The following GALNTL6 variants were observed in gnomAD, a reference collection of about 807,000 sequenced individuals.
The protein encoded by GALNTL6 is polypeptide N-acetylgalactosaminyltransferase like 6.
In GALNTL6, 46 loss-of-function variants were observed where a neutral mutation model predicts 73.7. The ratio of observed to expected loss-of-function variants is 0.62; its 90% CI spans 0.49 to 0.80. The LOEUF is 0.80. Ranked by LOEUF, GALNTL6 falls within the 30% of genes least tolerant of loss-of-function variation. The probability of loss-of-function intolerance (pLI) is 0.00; values close to 1 mark genes in which losing one functional copy is unlikely to be tolerated. For missense variants in GALNTL6, 604 were observed against 755.0 expected, an observed-to-expected ratio of 0.80 and a Z score of 2.34; for synonymous variants, 259 against 263.7, an observed-to-expected ratio of 0.98 and a Z score of 0.17.
chr4:172,891,040 T>C (rs1746000835), intron 8 of GALNTL6, among the ~76,000 whole-genome samples: 1 of 152,152 alleles, frequency 6.6e-6, no homozygotes, highest in Non-Finnish European at 1.5e-5. Context: ...GCATAATAGA[T>C]CTTTCTCCAT....
chr4:172,926,316 A>T (rs1021433611), intron 8 of GALNTL6, among the ~76,000 whole-genome samples: 10 of 152,334 alleles, frequency 6.6e-5, no homozygotes, highest in Admixed American at 5.2e-4. Context: ...GGAGATTAAA[A>T]TTTCAACATT....
chr4:172,501,818 A>G (rs1336330234), intron 5 of GALNTL6, among the ~76,000 whole-genome samples: 12 of 152,170 alleles, frequency 7.9e-5, no homozygotes, highest in Non-Finnish European at 1.8e-4. Flanking sequence ...ATAGTTGACT[A>G]TAGTTGGTGA....
chr4:172,571,081 G>A (rs979718484), intron 5 of GALNTL6, among the ~76,000 whole-genome samples: 13 of 152,146 alleles, frequency 8.5e-5, no homozygotes, highest in Non-Finnish European at 1.5e-4. Context: ...CCCCCAGTGC[G>A]TGGCCTGGTT....
intron 2 of GALNTL6, among the ~76,000 whole-genome samples, chr4:172,209,880 A>G (rs1265182985): frequency 6.6e-6 from 1 of 152,082 alleles, no homozygotes; most frequent in Non-Finnish European, 1.5e-5. Context: ...GAGTAGTAAC[A>G]AGACAAGTCA....
intron 2 of GALNTL6, among the ~76,000 whole-genome samples, chr4:171,827,732 C>T (rs1734861839): frequency 1.3e-5 from 2 of 152,232 alleles, no homozygotes; most frequent in South Asian, 2.1e-4. Context: ...ACTATTCCAG[C>T]ATTCAAGCTG....
intron 5 of GALNTL6, among the ~76,000 whole-genome samples, chr4:172,434,207 G>C (rs896622149): frequency 2.6e-5 from 4 of 152,012 alleles, no homozygotes; most frequent in African/African-American, 9.7e-5. Context: ...ATTCTAGTTT[G>C]CTTAAGAGAG....
intron 2 of GALNTL6, among the ~76,000 whole-genome samples, chr4:171,832,168 T>C (rs1373406860): frequency 6.6e-6 from 1 of 151,522 alleles, no homozygotes; most frequent in Non-Finnish European, 1.5e-5. Flanking sequence ...AAGATTCTAA[T>C]GAAATTTTTT....
At chr4:172,085,252 A>T (rs186365546) in intron 2 of GALNTL6, among the ~76,000 whole-genome samples, 41 of 152,290 alleles carry the variant, frequency 2.7e-4, no homozygotes, top group African/African-American at 9.6e-4. Context: ...CAGATATAAA[A>T]TACTAAGAAA....
chr4:171,946,631 A>G (rs146076939), intron 2 of GALNTL6, among the ~76,000 whole-genome samples: 9 of 152,308 alleles, frequency 5.9e-5, no homozygotes, highest in African/African-American at 2.2e-4. Context: ...GAAGATTGTG[A>G]TACATGTTAT....
intron 8 of GALNTL6, among the ~76,000 whole-genome samples, chr4:172,918,330 TAC>T (rs1244769925): frequency 6.6e-6 from 1 of 152,030 alleles, no homozygotes; most frequent in Non-Finnish European, 1.5e-5. Context: ...GGCACATGTA[TAC>T]ATATGTAACA....
At chr4:172,594,451 CTG>C (rs1288466692) in intron 5 of GALNTL6, among the ~76,000 whole-genome samples, 1 of 152,176 alleles carries the variant, frequency 6.6e-6, no homozygotes, top group Non-Finnish European at 1.5e-5. Context: ...TCCATTAAAT[CTG>C]TATCACTTTT....
At chr4:172,384,798 G>C (rs1743403118) in intron 5 of GALNTL6, among the ~76,000 whole-genome samples, 1 of 151,972 alleles carries the variant, frequency 6.6e-6, no homozygotes, top group Non-Finnish European at 1.5e-5. Context: ...TTTTATTAGA[G>C]ACAGGGCCTT....
At chr4:172,986,084 A>G (rs1385095522) in intron 10 of GALNTL6, among the ~76,000 whole-genome samples, 1 of 152,226 alleles carries the variant, frequency 6.6e-6, no homozygotes, top group Non-Finnish European at 1.5e-5. Context: ...GCAATGGACA[A>G]AGGCAGCTTG....
intron 2 of GALNTL6, among the ~76,000 whole-genome samples, chr4:172,187,859 C>G (rs1735460450): frequency 6.6e-6 from 1 of 152,098 alleles, no homozygotes; most frequent in East Asian, 1.9e-4. Context: ...GTTTGGGTTA[C>G]TTACATTAGT....
At chr4:172,340,572 C>T (rs904155392) in intron 4 of GALNTL6, among the ~76,000 whole-genome samples, 3 of 152,090 alleles carry the variant, frequency 2.0e-5, no homozygotes, top group African/African-American at 7.2e-5. Flanking sequence ...ATTTTACCTT[C>T]AAAGGTGAAA....
At chr4:171,992,050 C>T (rs1740353149) in intron 2 of GALNTL6, among the ~76,000 whole-genome samples, 2 of 151,918 alleles carry the variant, frequency 1.3e-5, no homozygotes, top group Admixed American at 1.3e-4. Context: ...GTTTTCCTTA[C>T]AGCTTTTTGA....
chr4:172,610,252 T>C (rs1459770515), intron 5 of GALNTL6, among the ~76,000 whole-genome samples: 1 of 151,928 alleles, frequency 6.6e-6, no homozygotes, highest in African/African-American at 2.4e-5. Flanking sequence ...TCTGCTGTTG[T>C]TTATCTAGGT....
intron 4 of GALNTL6, among the ~76,000 whole-genome samples, chr4:172,323,781 C>A (rs1740840312): frequency 6.6e-6 from 1 of 152,008 alleles, no homozygotes; most frequent in African/African-American, 2.4e-5. Context: ...GACTAGTAGG[C>A]AGTAAATTAA....
chr4:172,208,305 G>A (rs1003797358), intron 2 of GALNTL6, among the ~76,000 whole-genome samples: 7 of 152,064 alleles, frequency 4.6e-5, no homozygotes, highest in African/African-American at 1.7e-4. Flanking sequence ...CTGTAAATAT[G>A]AAGTCAGACA....
Sources: allele counts gnomAD v4.1 joint callset (sites outside exome capture counted in the v4.1 genomes callset), GRCh38; gene constraint gnomAD v4.1.1; transcripts MANE v1.5; gene names NCBI Gene and HGNC (gene_info 2026-07-23, HGNC 2026-07-21).